Variants in GRIN1 observed in about 807,000 individuals in gnomAD.
The protein encoded by GRIN1 is glutamate ionotropic receptor NMDA type subunit 1.
Under a neutral mutation model 103.0 loss-of-function variants are expected in GRIN1, and 38 were observed. That is an observed-to-expected ratio of 0.37 (90% CI 0.28 to 0.48). GRIN1 has a LOEUF of 0.48. Among genes scored for constraint, GRIN1 ranks in the 20% least tolerant of loss-of-function variants. The probability of loss-of-function intolerance (pLI) is 0.98; values close to 1 mark genes in which losing one functional copy is unlikely to be tolerated. For synonymous variants in GRIN1, 544 were observed against 532.7 expected (o/e 1.02, Z -0.29); for missense variants, 577 against 1,288.9 (o/e 0.45, Z 8.46).
intron 19 of GRIN1, 70 bp from the exon 20 acceptor site, chr9:137,167,341 G>A: frequency 8.2e-7 from 1 of 1,222,348 alleles, no homozygotes; most frequent in Non-Finnish European, 1.2e-6. Flanking sequence ...GGCGGCACTG[G>A]GCGCTGAGGG....
Position 137,162,953 on chromosome 9 carries a change from G to A in GRIN1, c.2121G>A (p.Glu707=), listed in dbSNP as rs774389234. 19 of 1,608,974 alleles carry A rather than the reference G, an allele frequency of 1.2e-5. 1 individual carries two copies. The Middle Eastern group carries it at 1.6e-3, about 139-fold the overall frequency. The part of the protein sequence containing the change: ...VELSTMYRHM[E]KHNYESAAEA... ...TGAGCACCATGTACCGGCATATGGA[G>A]AAGCACAACTACGAGAGTGCGGCGG... The change falls in exon 15 of 20, where the codon GAG becomes GAA. Residue 707 remains glutamate, a synonymous_variant. Coordinates refer to ENST00000371561, the MANE Select transcript of GRIN1 (RefSeq NM_007327.4).
rs570145037 is a variant in GRIN1, at chr9:137,162,120, G to C, written c.1632+32G>C. 295 of 1,525,894 alleles carry C rather than the reference G, an allele frequency of 1.9e-4. 5 individuals carry two copies. In the South Asian group the frequency reaches 3.2e-3, roughly 17 times the overall value. 94.5% of individuals were successfully genotyped at this position (1,525,894 alleles called of 1,614,324 possible). A position where few individuals can be genotyped will look rare whatever the true frequency, so the allele number is the denominator to read the frequency against. On this transcript the variant is annotated intron_variant, in intron 11 of 19. Coordinates refer to ENST00000371561, the MANE Select transcript of GRIN1 (RefSeq NM_007327.4). ...AGGGGCCGGGTGGCGGGGTGGCGGCGGGGGGAGTCCCTGGAGGGCCCGGGC... is the reference window on the plus strand; with the variant it reads ...AGGGGCCGGGTGGCGGGGTGGCGGCCGGGGGAGTCCCTGGAGGGCCCGGGC...
At chr9:137,148,056 C>T in intron 3 of GRIN1, 2 of 790,854 alleles carry the variant, frequency 2.5e-6, no homozygotes, top group South Asian at 1.6e-5. Flanking sequence ...GCAGACGTGC[C>T]GAGGAGGTGG....
chr9:137,153,082 C>G (rs547090129), intron 4 of GRIN1, among the ~76,000 whole-genome samples: 1 of 150,696 alleles, frequency 6.6e-6, no homozygotes. Flanking sequence ...ATACACACCA[C>G]GTGTACACAC....
intron 19 of GRIN1, among the ~76,000 whole-genome samples, chr9:137,167,133 C>G (rs1001232215): frequency 6.6e-6 from 1 of 152,120 alleles, no homozygotes; most frequent in Non-Finnish European, 1.5e-5. Context: ...TGGGGCTGGC[C>G]CCGCCCTGCA....
intron 6 of GRIN1, among the ~76,000 whole-genome samples, chr9:137,157,244 T>C (rs932619454): frequency 7.2e-4 from 8 of 11,118 alleles, no homozygotes; most frequent in African/African-American, 3.2e-3. Context: ...CTCGGGGAGG[T>C]GGGCGGGGTC....
intron 4 of GRIN1, among the ~76,000 whole-genome samples, chr9:137,151,402 C>T (rs1259674148): frequency 6.8e-6 from 1 of 147,914 alleles, no homozygotes; most frequent in Non-Finnish European, 1.5e-5. Flanking sequence ...AGAAAAAGAC[C>T]CGCCCAGGGA....
At chr9:137,148,625 C>T (rs1030003683) in intron 3 of GRIN1, among the ~76,000 whole-genome samples, 4 of 152,264 alleles carry the variant, frequency 2.6e-5, no homozygotes, top group African/African-American at 9.6e-5. Flanking sequence ...AAGTCAGCCC[C>T]ATCTCTTTTC....
At chr9:137,163,070 G>C in intron 15 of GRIN1, 67 bp downstream of exon 15, 2 of 1,563,970 alleles carry the variant, frequency 1.3e-6, no homozygotes, top group Middle Eastern at 2.1e-4. Context: ...GGCCTCCACC[G>C]GGCAGGAGAG....
In GRIN1 at chr9:137,146,563, G is replaced by A. The variant is rs1351367311; in HGVS notation, c.570+661G>A. ...ACACTGACCCCCAACACAGCCAGGC[G>A]TCCACTCTGTGGGGCTGCAGAGAGA... is the stretch of plus-strand genomic sequence containing the variant. On this transcript the variant is annotated intron_variant, in intron 3 of 19. Transcript: ENST00000371561. This position sits in a 1 kb window ranked among gnomAD's most constrained non-coding sequence, Gnocchi z 6.7. Among the ~76,000 whole-genome samples, 2 of 152,176 alleles carry A rather than the reference G, an allele frequency of 1.3e-5. No individual in the cohort carries two copies. Among genetic ancestry groups the A allele is most frequent in the African/African-American group, 4.8e-5 (2 of 41,440 alleles).
rs1833370752 is a variant in GRIN1 at position 137,158,717 on chromosome 9, C to G, written c.1197+13C>G. On this transcript the variant is annotated intron_variant, in intron 8 of 19. Coordinates refer to ENST00000371561, the MANE Select transcript of GRIN1 (RefSeq NM_007327.4). ...CACCAGACTGAAGGTGGGGGCCCCA[C>G]AGACCTCCCTCAGTGTCCCCACCCC... The G allele has an allele frequency of 2.5e-6, 4 of 1,596,832 alleles. No individual in the cohort carries two copies. In the African/African-American group the frequency reaches 4.0e-5, roughly 16 times the overall value.
In GRIN1 at chr9:137,168,222, T is replaced by G. The variant is rs201734338; in HGVS notation, c.*695T>G. On this transcript the variant is annotated 3_prime_UTR_variant, in exon 20 of 20. Transcript: ENST00000371561. Reference sequence around the variant, plus strand: ...CCACAGTGGGGCCCATGGCCCCAGCTGGCTGGGTCGCCCCTCCTCGGGCGC... The same window carrying G: ...CCACAGTGGGGCCCATGGCCCCAGCGGGCTGGGTCGCCCCTCCTCGGGCGC... 3.8e-5 allele frequency: 12 copies of G among 315,780 alleles called. No individual in the cohort carries two copies. Among genetic ancestry groups the G allele is most frequent in the Non-Finnish European group, 6.5e-5 (11 of 168,906 alleles). The allele number at this position is 315,780 out of a possible 1,614,324, so 19.6% of individuals were successfully genotyped here. A position where few individuals can be genotyped will look rare whatever the true frequency, so the allele number is the denominator to read the frequency against.
chr9:137,160,951 C>T, intron 8 of GRIN1, 105 bp from the exon 9 acceptor site: 1 of 1,425,278 alleles, frequency 7.0e-7, no homozygotes, highest in Admixed American at 1.8e-5. Flanking sequence ...AGGGGTGCGT[C>T]GGGGATTAAG....
At chr9:137,145,435 A>G (rs1283536716) in intron 2 of GRIN1, among the ~76,000 whole-genome samples, 2 of 80,056 alleles carry the variant, frequency 2.5e-5, no homozygotes, top group South Asian at 5.3e-4. Context: ...CAGGGATGGG[A>G]TGGGAGACAC....
chr9:137,141,719 C>T (rs983145733), intron 1 of GRIN1, among the ~76,000 whole-genome samples: 1 of 152,306 alleles, frequency 6.6e-6, no homozygotes, highest in Non-Finnish European at 1.5e-5. Context: ...GCGTCCCGTG[C>T]TCCAGGCCCC....
At chr9:137,141,874 C>A (rs1440748163) in intron 1 of GRIN1, 139 bp from the exon 2 acceptor site, 30 of 898,106 alleles carry the variant, frequency 3.3e-5, no homozygotes, top group Middle Eastern at 4.2e-4. Context: ...TGGGCCTGGG[C>A]ATGTAGCATG....
At chr9:137,144,356 G>C (rs547220407) in intron 2 of GRIN1, among the ~76,000 whole-genome samples, 2 of 147,654 alleles carry the variant, frequency 1.4e-5, no homozygotes, top group East Asian at 2.0e-4. Context: ...CCAGTGTCTA[G>C]AAAGTGTCCC....
chr9:137,139,723 C>T lies in GRIN1; in HGVS notation c.237C>T (p.Cys79=), dbSNP rs200529044. 136 of 1,613,582 alleles carry T rather than the reference C, an allele frequency of 8.4e-5. No homozygotes were observed. Among genetic ancestry groups the T allele is most frequent in the Non-Finnish European group, 1.1e-4 (124 of 1,179,886 alleles). Reference sequence around the variant, plus strand: ...CCATCCAGATGGCTCTGTCGGTGTGCGAGGACCTCATCTCCAGCCAGGTGC... The same window carrying T: ...CCATCCAGATGGCTCTGTCGGTGTGTGAGGACCTCATCTCCAGCCAGGTGC... ...PNAIQMALSV[C]EDLISSQVYA... The change falls in exon 1 of 20, where the codon TGC becomes TGT. Residue 79 remains cysteine, a synonymous_variant. Transcript: ENST00000371561. This position sits in a 1 kb window ranked among gnomAD's most constrained non-coding sequence, Gnocchi z 7.7.
intron 4 of GRIN1, among the ~76,000 whole-genome samples, chr9:137,153,682 T>G (rs920397748): frequency 6.6e-6 from 1 of 151,974 alleles, no homozygotes; most frequent in African/African-American, 2.4e-5. Context: ...CACATGCACA[T>G]ACATCACAAC....
Sources: allele counts gnomAD v4.1 joint callset (sites outside exome capture counted in the v4.1 genomes callset), GRCh38; gene constraint gnomAD v4.1.1; non-coding constraint Gnocchi (gnomAD v3.1); transcripts MANE v1.5; gene names NCBI Gene and HGNC (gene_info 2026-07-23, HGNC 2026-07-21).